TUBB8B: variants seen among roughly 807,000 people sequenced by gnomAD.
TUBB8B encodes the protein tubulin beta 8B.
TUBB8B carries 26 observed loss-of-function variants against 31.9 expected under a neutral mutation model. That is an observed-to-expected ratio of 0.81 (90% CI 0.60 to 1.13). The LOEUF (loss-of-function observed/expected upper bound fraction) is 1.13. Among genes scored for constraint, TUBB8B ranks in the 50% most tolerant of loss-of-function variants. The pLI, the probability that TUBB8B is intolerant of heterozygous loss-of-function variation, is 0.00. For synonymous variants in TUBB8B, 173 were observed against 231.0 expected (o/e 0.75, Z 2.28); for missense variants, 467 against 586.7 (o/e 0.80, Z 2.11).
At chr18:55,141 G>A in the TUBB8B span, among the ~76,000 whole-genome samples, 89 of 151,392 alleles carry the variant, frequency 5.9e-4, no homozygotes, top group African/African-American at 7.8e-4. Context: ...TTGCTCTGTC[G>A]CCCAGGCTGG....
At chr18:56,551 T>A in the TUBB8B span, among the ~76,000 whole-genome samples, 2 of 151,900 alleles carry the variant, frequency 1.3e-5, no homozygotes, top group African/African-American at 2.4e-5. Flanking sequence ...TTTGGTAAAT[T>A]CCCACACATT....
the TUBB8B span, among the ~76,000 whole-genome samples, chr18:58,148 C>A: frequency 6.6e-6 from 1 of 151,242 alleles, no homozygotes; most frequent in Non-Finnish European, 1.5e-5. Context: ...TGGCTATCAA[C>A]ACTTGCTTTT....
At chr18:51,211 G>A (rs1157468091), upstream of TUBB8B, among the ~76,000 whole-genome samples, 6 of 151,854 alleles carry the variant, frequency 4.0e-5, no homozygotes, top group African/African-American at 1.4e-4. Flanking sequence ...TCTGCCTTGG[G>A]ATGGTCAAGG....
the TUBB8B span, among the ~76,000 whole-genome samples, chr18:62,932 C>T: frequency 1.3e-5 from 2 of 151,688 alleles, no homozygotes; most frequent in African/African-American, 2.4e-5. Context: ...AACTCTGATG[C>T]ATTCTTCAGT....
chr18:57,337 G>T, the TUBB8B span, among the ~76,000 whole-genome samples: 2 of 151,668 alleles, frequency 1.3e-5, no homozygotes, highest in Non-Finnish European at 2.9e-5. Flanking sequence ...CATAGGCATT[G>T]GGTAAATACT....
chr18:72,603 C>G, the TUBB8B span, among the ~76,000 whole-genome samples: 93,437 of 151,404 alleles, frequency 0.62, 29,394 homozygotes, highest in East Asian at 0.98. Context: ...AGTGGCATGA[C>G]CATGATAATG....
At chr18:68,229 A>G in the TUBB8B span, among the ~76,000 whole-genome samples, 50 of 152,158 alleles carry the variant, frequency 3.3e-4, 1 homozygote, top group Non-Finnish European at 1.0e-4. Context: ...TGTAAAGTGT[A>G]ACTTATCCCT....
the TUBB8B span, among the ~76,000 whole-genome samples, chr18:66,543 C>A: frequency 6.6e-6 from 1 of 152,164 alleles, no homozygotes; most frequent in African/African-American, 2.4e-5. Flanking sequence ...AAGAGTGAGA[C>A]CCTGTCTCAA....
chr18:72,196 A>AAAAAAAAAAAAAAAAAAAAAAGC, the TUBB8B span, among the ~76,000 whole-genome samples: 1 of 84,536 alleles, frequency 1.2e-5, no homozygotes, highest in Non-Finnish European at 2.4e-5. Flanking sequence ...AAAAAAAAAA[A>AAAAAAAAAAAAAAAAAAAAAAGC]AAAGGAAAAA....
upstream of TUBB8B, among the ~76,000 whole-genome samples, chr18:51,880 G>A (rs1041379189): frequency 7.9e-5 from 12 of 151,882 alleles, no homozygotes; most frequent in African/African-American, 2.7e-4. Context: ...AAATTACCCA[G>A]CCTCAGATAT....
the TUBB8B span, among the ~76,000 whole-genome samples, chr18:61,936 C>A: frequency 6.6e-6 from 1 of 151,750 alleles, no homozygotes; most frequent in Middle Eastern, 3.2e-3. Context: ...CTACTGAGTT[C>A]TGTACCTTCA....
At chr18:48,766 C>T in intron 3 of TUBB8B, 174 bp downstream of exon 3, 5 of 709,616 alleles carry the variant, frequency 7.0e-6, no homozygotes, top group East Asian at 2.7e-5. Context: ...GAGGAGACAC[C>T]GGGGCCTTCC....
upstream of TUBB8B, among the ~76,000 whole-genome samples, chr18:53,335 G>C (rs375029679): frequency 1.2e-4 from 18 of 152,060 alleles, no homozygotes; most frequent in African/African-American, 4.1e-4. Context: ...TGGCAGAAAA[G>C]AGTGAAATTA....
the TUBB8B span, among the ~76,000 whole-genome samples, chr18:69,469 T>C: frequency 6.6e-6 from 1 of 152,336 alleles, no homozygotes; most frequent in Admixed American, 6.5e-5. Context: ...ACTCTCCTCC[T>C]GACTCTTCAG....
the TUBB8B span, among the ~76,000 whole-genome samples, chr18:63,810 C>CCCCTAA: frequency 6.8e-6 from 1 of 146,434 alleles, no homozygotes; most frequent in Non-Finnish European, 1.5e-5. Flanking sequence ...CTAACCCTAA[C>CCCCTAA]CCCTAACCCT....
chr18:53,447 CAAT>C (rs199859474), upstream of TUBB8B, among the ~76,000 whole-genome samples: 477 of 151,862 alleles, frequency 3.1e-3, 7 homozygotes, highest in African/African-American at 0.011. Context: ...GTCTGGAACA[CAAT>C]GAGATTTTTA....
the TUBB8B span, among the ~76,000 whole-genome samples, chr18:62,896 C>A: frequency 6.6e-6 from 1 of 151,698 alleles, no homozygotes; most frequent in Non-Finnish European, 1.5e-5. Flanking sequence ...CTAAATCTAT[C>A]TTCTCCTTGA....
the TUBB8B span, among the ~76,000 whole-genome samples, chr18:58,161 T>C: frequency 6.6e-6 from 1 of 151,712 alleles, no homozygotes; most frequent in African/African-American, 2.4e-5. Flanking sequence ...TTGCTTTTTT[T>C]TTTTTTTAAG....
the TUBB8B span, among the ~76,000 whole-genome samples, chr18:73,117 C>T: frequency 2.6e-5 from 4 of 151,496 alleles, no homozygotes; most frequent in African/African-American, 9.8e-5. Flanking sequence ...GGTCTCTCCC[C>T]GTACCAGGGT....
Sources: allele counts gnomAD v4.1 joint callset (sites outside exome capture counted in the v4.1 genomes callset), GRCh38; gene constraint gnomAD v4.1.1; transcripts MANE v1.5; gene names NCBI Gene and HGNC (gene_info 2026-07-23, HGNC 2026-07-21).